Variants in LRRC4C observed in about 807,000 individuals in gnomAD.
LRRC4C encodes the protein leucine rich repeat containing 4C.
A neutral mutation model predicts 33.6 loss-of-function variants in LRRC4C; 5 were observed. The ratio of observed to expected loss-of-function variants is 0.15; its 90% CI spans 0.08 to 0.31. LRRC4C has a LOEUF of 0.31. LRRC4C is among the 10% of genes least tolerant of loss of function. The pLI is 1.00. For missense variants in LRRC4C, 560 were observed against 796.7 expected (o/e 0.70, Z 3.58); for synonymous variants, 329 against 302.0 (o/e 1.09, Z -0.93).
At chr11:40,956,597 T>C (rs1028359062) in intron 1 of LRRC4C, among the ~76,000 whole-genome samples, 1 of 151,724 alleles carries the variant, frequency 6.6e-6, no homozygotes, top group African/African-American at 2.4e-5. Flanking sequence ...TAAGAAGAAA[T>C]TGGAATAAAT....
chr11:40,657,298 G>A (rs888972466), intron 2 of LRRC4C, among the ~76,000 whole-genome samples: 4 of 152,106 alleles, frequency 2.6e-5, no homozygotes, highest in African/African-American at 9.7e-5. Flanking sequence ...CTAATGATTG[G>A]TCTAAGCTGG....
At chr11:41,019,463 T>C (rs188065340) in intron 1 of LRRC4C, among the ~76,000 whole-genome samples, 336 of 152,320 alleles carry the variant, frequency 2.2e-3, no homozygotes, top group African/African-American at 7.9e-3. Context: ...CTATTGTAAA[T>C]AGTGCTGCAG....
intron 1 of LRRC4C, among the ~76,000 whole-genome samples, chr11:41,151,164 GT>G (rs1226602798): frequency 6.6e-6 from 1 of 152,182 alleles, no homozygotes; most frequent in Admixed American, 6.5e-5. Context: ...GATTTAATAA[GT>G]TTTTTGCTAC....
At chr11:40,978,707 C>G (rs1281703784) in intron 1 of LRRC4C, among the ~76,000 whole-genome samples, 1 of 151,372 alleles carries the variant, frequency 6.6e-6, no homozygotes, top group African/African-American at 2.4e-5. Context: ...CTGCAACCTC[C>G]GCCTCCCAGG....
chr11:40,307,912 C>T (rs1945120080), intron 4 of LRRC4C, among the ~76,000 whole-genome samples: 1 of 152,186 alleles, frequency 6.6e-6, no homozygotes, highest in South Asian at 2.1e-4. Flanking sequence ...ATTCATGCAA[C>T]TGCCTTAATT....
intron 5 of LRRC4C, among the ~76,000 whole-genome samples, chr11:40,178,883 C>A (rs559043270): frequency 1.3e-5 from 2 of 152,298 alleles, no homozygotes; most frequent in Admixed American, 1.3e-4. Flanking sequence ...TCTCTTCAGG[C>A]CTAGGACTAG....
chr11:40,459,499 T>C (rs1952292099), intron 3 of LRRC4C, among the ~76,000 whole-genome samples: 1 of 152,194 alleles, frequency 6.6e-6, no homozygotes, highest in African/African-American at 2.4e-5. Flanking sequence ...TAATCTGTAA[T>C]TGAAAATAAT....
chr11:40,522,713 C>T (rs1368724554), intron 3 of LRRC4C, among the ~76,000 whole-genome samples: 1 of 152,172 alleles, frequency 6.6e-6, no homozygotes, highest in African/African-American at 2.4e-5. Flanking sequence ...CCCATTTCCC[C>T]TACTAAGTCT....
intron 3 of LRRC4C, among the ~76,000 whole-genome samples, chr11:40,411,383 A>AAAT (rs1275922230): frequency 6.6e-6 from 1 of 152,114 alleles, no homozygotes; most frequent in Non-Finnish European, 1.5e-5. Flanking sequence ...TTCAGATTGA[A>AAAT]AATACATCAA....
At chr11:41,322,128 G>C (rs969268238) in intron 1 of LRRC4C, among the ~76,000 whole-genome samples, 2 of 151,972 alleles carry the variant, frequency 1.3e-5, no homozygotes, top group African/African-American at 4.8e-5. Context: ...GCCTCCCAAA[G>C]TGCTGGGATT....
chr11:40,468,091 T>C (rs1952742775), intron 3 of LRRC4C, among the ~76,000 whole-genome samples: 2 of 152,188 alleles, frequency 1.3e-5, no homozygotes, highest in Non-Finnish European at 2.9e-5. Flanking sequence ...GTGACTTTGC[T>C]CCTCCATTTT....
chr11:40,956,633 T>C (rs540400617), intron 1 of LRRC4C, among the ~76,000 whole-genome samples: 80 of 151,884 alleles, frequency 5.3e-4, no homozygotes, highest in African/African-American at 1.8e-3. Context: ...CATAGATTAA[T>C]ACACTTCTTC....
intron 1 of LRRC4C, among the ~76,000 whole-genome samples, chr11:41,099,505 G>T (rs772565450): frequency 3.9e-5 from 6 of 151,988 alleles, no homozygotes; most frequent in South Asian, 4.1e-4. Context: ...TGATCAAGTA[G>T]GTTTTATCTC....
chr11:40,504,925 T>A (rs988182688), intron 3 of LRRC4C, among the ~76,000 whole-genome samples: 5 of 152,190 alleles, frequency 3.3e-5, no homozygotes, highest in Non-Finnish European at 7.4e-5. Context: ...AGTCCAGAAT[T>A]GTAATCAAAT....
intron 1 of LRRC4C, among the ~76,000 whole-genome samples, chr11:41,317,267 T>C (rs1430895950): frequency 1.3e-5 from 2 of 152,094 alleles, no homozygotes; most frequent in Non-Finnish European, 2.9e-5. Context: ...TTTTTAACCT[T>C]AAAATGAGAA....
chr11:41,151,599 C>T (rs752337661), intron 1 of LRRC4C, among the ~76,000 whole-genome samples: 4 of 152,094 alleles, frequency 2.6e-5, no homozygotes, highest in Non-Finnish European at 5.9e-5. Flanking sequence ...TAAAGGAAAT[C>T]AATCAATTTG....
intron 1 of LRRC4C, among the ~76,000 whole-genome samples, chr11:41,373,678 T>C (rs1465864012): frequency 6.6e-6 from 1 of 152,164 alleles, no homozygotes; most frequent in South Asian, 2.1e-4. Flanking sequence ...AATTTCAGAA[T>C]TCTAAAAATA....
chr11:40,277,485 A>T (rs750587348), intron 4 of LRRC4C, among the ~76,000 whole-genome samples: 3 of 152,116 alleles, frequency 2.0e-5, no homozygotes, highest in Non-Finnish European at 2.9e-5. Flanking sequence ...GAACTATAAA[A>T]AGCGGTGAGG....
chr11:40,488,115 A>C (rs1953958346), intron 3 of LRRC4C, among the ~76,000 whole-genome samples: 1 of 152,122 alleles, frequency 6.6e-6, no homozygotes, highest in Non-Finnish European at 1.5e-5. Context: ...GCTGTAACAC[A>C]TGACCAGGGA....
Sources: allele counts gnomAD v4.1 joint callset (sites outside exome capture counted in the v4.1 genomes callset), GRCh38; gene constraint gnomAD v4.1.1; transcripts MANE v1.5; gene names NCBI Gene and HGNC (gene_info 2026-07-23, HGNC 2026-07-21).